CACNA2D1: variants seen among roughly 807,000 people sequenced by gnomAD.
CACNA2D1 encodes calcium voltage-gated channel auxiliary subunit alpha2delta 1.
CACNA2D1 carries 53 observed loss-of-function variants against 171.5 expected under a neutral mutation model. The observed-to-expected ratio is 0.31, with a 90% CI of 0.25 to 0.39. The LOEUF (loss-of-function observed/expected upper bound fraction) is 0.39. Among genes scored for constraint, CACNA2D1 ranks in the 10% least tolerant of loss-of-function variants. CACNA2D1 has a pLI of 1.00. For missense variants in CACNA2D1, 903 were observed against 1,299.8 expected (o/e 0.69, Z 4.69); for synonymous variants, 442 against 443.1 (o/e 1.00, Z 0.03).
rs1797875782 is a variant in CACNA2D1, at chr7:81,994,778, A to G, written c.1734+90T>C. 3 of 720,694 alleles carry G rather than the reference A, an allele frequency of 4.2e-6. No individual in the cohort carries two copies. The African/African-American group carries it at 5.3e-5, about 13-fold the overall frequency. 44.6% of individuals were successfully genotyped at this position (720,694 alleles called of 1,614,324 possible). On this transcript the variant is annotated intron_variant, in intron 20 of 38. Coordinates refer to ENST00000356860, the MANE Select transcript of CACNA2D1 (RefSeq NM_000722.4). ...AGATCTCCCTGTTTTATAAGTAAAT[A>G]GTGGATTAATAGAAAAAAAGGACAA...
At chr7:82,405,679 C>T (rs1309348237) in intron 1 of CACNA2D1, among the ~76,000 whole-genome samples, 3 of 152,170 alleles carry the variant, frequency 2.0e-5, no homozygotes. Flanking sequence ...ATTGGAACTA[C>T]TTTTCAAGTG....
At chr7:82,095,813 G>A (rs258658) in intron 6 of CACNA2D1, among the ~76,000 whole-genome samples, 64,719 of 151,924 alleles carry the variant, frequency 0.43, 13,769 homozygotes, top group African/African-American at 0.44. Flanking sequence ...AATGATAGGC[G>A]GTGGATGGGT....
chr7:82,092,330 T>C (rs1213627036), intron 6 of CACNA2D1, among the ~76,000 whole-genome samples: 1 of 152,102 alleles, frequency 6.6e-6, no homozygotes, highest in Non-Finnish European at 1.5e-5. Flanking sequence ...TTAGCATAAT[T>C]ATCTGAAGAA....
intron 3 of CACNA2D1, among the ~76,000 whole-genome samples, chr7:82,312,512 T>TC (rs1814600186): frequency 7.0e-6 from 1 of 143,096 alleles, no homozygotes; most frequent in Non-Finnish European, 1.5e-5. Context: ...ACTGAAACTT[T>TC]TTTTTTTTTT....
intron 3 of CACNA2D1, among the ~76,000 whole-genome samples, chr7:82,227,859 G>C (rs1452920279): frequency 6.6e-6 from 1 of 152,004 alleles, no homozygotes; most frequent in Non-Finnish European, 1.5e-5. Context: ...AATAAATAAA[G>C]GCTTTATATA....
At position 82,234,036 on chromosome 7, in the gene CACNA2D1, T is replaced by A. The variant is rs543903834; in HGVS notation, c.295-63427A>T. ...ATCCCATTTGTGATAAATTATTAAT[T>A]GAAGTATGCATTCAAATGTACACTT... On this transcript the variant is annotated intron_variant, in intron 3 of 38. Transcript: ENST00000356860. Among the ~76,000 whole-genome samples the A allele has an allele frequency of 3.2e-3, 490 of 152,228 alleles. 2 individuals are homozygous for A. The highest frequency in any genetic ancestry group is 0.011 in the African/African-American group (463 of 41,572).
chr7:82,432,506 G>GT (rs1829773384), intron 1 of CACNA2D1, among the ~76,000 whole-genome samples: 1 of 152,184 alleles, frequency 6.6e-6, no homozygotes, highest in African/African-American at 2.4e-5. Flanking sequence ...TATTCTGTCA[G>GT]TTTTTTGTTT....
chr7:82,159,365 G>A (rs1454447373), intron 4 of CACNA2D1, among the ~76,000 whole-genome samples: 1 of 151,808 alleles, frequency 6.6e-6, no homozygotes, highest in East Asian at 1.9e-4. Context: ...AGCACACTTT[G>A]TAAGATATTT....
intron 3 of CACNA2D1, among the ~76,000 whole-genome samples, chr7:82,216,530 C>T (rs574384188): frequency 2.0e-5 from 3 of 152,252 alleles, no homozygotes; most frequent in African/African-American, 7.2e-5. Context: ...ATTTGGTTTG[C>T]TACATATTCA....
chr7:82,094,176 G>A (rs920848605), intron 6 of CACNA2D1, among the ~76,000 whole-genome samples: 1 of 151,922 alleles, frequency 6.6e-6, no homozygotes, highest in Admixed American at 6.6e-5. Flanking sequence ...ACAGTACATA[G>A]AAGTCGGCTA....
intron 6 of CACNA2D1, among the ~76,000 whole-genome samples, chr7:82,104,142 G>T (rs1365775005): frequency 6.6e-6 from 1 of 151,890 alleles, no homozygotes; most frequent in Non-Finnish European, 1.5e-5. Context: ...ATTTGCATTT[G>T]AGCAAATTTA....
intron 21 of CACNA2D1, among the ~76,000 whole-genome samples, chr7:81,987,092 A>G (rs1216969836): frequency 6.6e-6 from 1 of 152,190 alleles, no homozygotes; most frequent in African/African-American, 2.4e-5. Flanking sequence ...GAAGTTTTAA[A>G]ACTAGCACAT....
chr7:82,272,485 G>GT (rs1342199240), intron 3 of CACNA2D1, among the ~76,000 whole-genome samples: 1 of 152,134 alleles, frequency 6.6e-6, no homozygotes, highest in Non-Finnish European at 1.5e-5. Context: ...AGCACGCAAC[G>GT]TAAGAAACTA....
chr7:81,995,402 C>T (rs1175643026), intron 19 of CACNA2D1, among the ~76,000 whole-genome samples: 1 of 151,718 alleles, frequency 6.6e-6, no homozygotes, highest in Non-Finnish European at 1.5e-5. Flanking sequence ...TATCTGGGTA[C>T]CAAAAAAATC....
At chr7:82,002,310 A>G (rs1350117554) in intron 18 of CACNA2D1, among the ~76,000 whole-genome samples, 1 of 152,120 alleles carries the variant, frequency 6.6e-6, no homozygotes, top group African/African-American at 2.4e-5. Context: ...GTCTAGAGGG[A>G]GGCAAGCCCT....
chr7:82,360,057 C>G (rs1032774938), intron 1 of CACNA2D1, among the ~76,000 whole-genome samples: 11 of 152,146 alleles, frequency 7.2e-5, no homozygotes, highest in African/African-American at 2.7e-4. Context: ...GCAGTTTGCC[C>G]TGAGAAGCCA....
intron 9 of CACNA2D1, among the ~76,000 whole-genome samples, chr7:82,062,111 T>G (rs1327818246): frequency 1.3e-5 from 2 of 152,136 alleles, no homozygotes; most frequent in Non-Finnish European, 2.9e-5. Flanking sequence ...ATAAGGGCAG[T>G]TTCGTTTTAG....
At chr7:82,039,445 G>A (rs1347501370) in intron 10 of CACNA2D1, among the ~76,000 whole-genome samples, 3 of 152,092 alleles carry the variant, frequency 2.0e-5, no homozygotes, top group Non-Finnish European at 4.4e-5. Context: ...GTTATATAGT[G>A]TCTACTATGT....
intron 8 of CACNA2D1, among the ~76,000 whole-genome samples, chr7:82,065,034 C>T (rs1807433921): frequency 6.6e-6 from 1 of 152,038 alleles, no homozygotes; most frequent in Non-Finnish European, 1.5e-5. Flanking sequence ...TATGACTGAC[C>T]CAAAAGCTCA....
Sources: allele counts gnomAD v4.1 joint callset (sites outside exome capture counted in the v4.1 genomes callset), GRCh38; gene constraint gnomAD v4.1.1; transcripts MANE v1.5; gene names NCBI Gene and HGNC (gene_info 2026-07-23, HGNC 2026-07-21).